Variants in EML1 observed in about 807,000 individuals in gnomAD.
The protein encoded by EML1 is EMAP like 1, also known as echinoderm microtubule-associated protein-like 1.
EML1 carries 27 observed loss-of-function variants against 110.4 expected under a neutral mutation model. The observed-to-expected ratio is 0.24, with a 90% CI of 0.18 to 0.34. EML1 has a LOEUF of 0.34. Among genes scored for constraint, EML1 ranks in the 10% least tolerant of loss-of-function variants. The pLI is 1.00. For missense variants in EML1, 741 were observed against 1,030.9 expected (o/e 0.72, Z 3.85); for synonymous variants, 344 against 385.8 (o/e 0.89, Z 1.27).
chr14:99,885,826 T>G (rs754058097), intron 4 of EML1: 1 of 450,592 alleles, frequency 2.2e-6, no homozygotes, highest in South Asian at 1.6e-5. Context: ...TCTTATTTAA[T>G]CGTGCCAATA....
At chr14:99,858,598 G>A (rs377146767) in intron 2 of EML1, among the ~76,000 whole-genome samples, 3 of 152,288 alleles carry the variant, frequency 2.0e-5, no homozygotes, top group African/African-American at 4.8e-5. Flanking sequence ...GTGATTGGCC[G>A]TATGCGTAGG....
At chr14:99,759,692 T>C (rs1183328302) in intron 1 of EML1, among the ~76,000 whole-genome samples, 2 of 152,220 alleles carry the variant, frequency 1.3e-5, no homozygotes, top group African/African-American at 4.8e-5. Flanking sequence ...GTTTGCGCTG[T>C]GTCCAGCCAA....
chr14:99,796,233 G>GAGAGA, intron 1 of EML1, among the ~76,000 whole-genome samples: 1 of 107,534 alleles, frequency 9.3e-6, no homozygotes, highest in African/African-American at 3.2e-5. Flanking sequence ...AGAGAGAGAA[G>GAGAGA]ATAATGTGTA....
chr14:99,803,702 G>GT (rs898742241), intron 1 of EML1, among the ~76,000 whole-genome samples: 2 of 152,212 alleles, frequency 1.3e-5, no homozygotes, highest in African/African-American at 2.4e-5. Context: ...CAATGAAGTG[G>GT]TTTTTGGCAA....
In EML1 at chr14:99,834,040, A is replaced by G. The variant is rs543232973; in HGVS notation, c.68-16813A>G. On this transcript the variant is annotated intron_variant, in intron 1 of 21. Coordinates refer to ENST00000262233, the MANE Select transcript of EML1 (RefSeq NM_004434.3). ...TATTGAAATGTGTGATATTTGTTGT[A>G]GGTGTTCTATAGACACCCTTCATCA... Among the ~76,000 whole-genome samples the G allele has an allele frequency of 2.9e-4, 44 of 152,312 alleles. 1 individual carries two copies. In the South Asian group the frequency reaches 5.4e-3, roughly 19 times the overall value.
chr14:99,833,309 A>G (rs1476578509), intron 1 of EML1, among the ~76,000 whole-genome samples: 1 of 152,192 alleles, frequency 6.6e-6, no homozygotes, highest in Non-Finnish European at 1.5e-5. Flanking sequence ...GTTAAAAATC[A>G]GTTGCCCATA....
intron 17 of EML1, among the ~76,000 whole-genome samples, chr14:99,925,822 C>T (rs1355131258): frequency 6.6e-6 from 1 of 152,186 alleles, no homozygotes. Flanking sequence ...ACCAGCCTCC[C>T]GTCAGCCAGG....
At chr14:99,814,809 T>C (rs553025242) in intron 1 of EML1, among the ~76,000 whole-genome samples, 2 of 152,210 alleles carry the variant, frequency 1.3e-5, no homozygotes, top group South Asian at 4.1e-4. Flanking sequence ...ACAGCTGTCA[T>C]GCACATGGGG....
intron 1 of EML1, among the ~76,000 whole-genome samples, chr14:99,759,646 G>A (rs1301633982): frequency 6.6e-6 from 1 of 152,254 alleles, no homozygotes; most frequent in African/African-American, 2.4e-5. Context: ...AGAGAGGAAA[G>A]GGCTTGTCCT....
intron 3 of EML1, among the ~76,000 whole-genome samples, chr14:99,878,042 T>C (rs1297228531): frequency 6.6e-6 from 1 of 151,944 alleles, no homozygotes; most frequent in East Asian, 1.9e-4. Flanking sequence ...TAATACTCTA[T>C]TTTCTTTGCA....
intron 8 of EML1, among the ~76,000 whole-genome samples, chr14:99,900,439 A>G (rs2059745041): frequency 6.6e-6 from 1 of 152,146 alleles, no homozygotes; most frequent in Non-Finnish European, 1.5e-5. Context: ...CACCTGCCTC[A>G]GCCTCCCAAA....
intron 1 of EML1, among the ~76,000 whole-genome samples, chr14:99,752,496 C>T (rs1284440223): frequency 6.6e-6 from 1 of 152,248 alleles, no homozygotes; most frequent in Admixed American, 6.5e-5. Context: ...TGAATTGCCC[C>T]TACACCCCAG....
rs1439977178 is a variant in EML1 at position 99,939,151 on chromosome 14, G to A, written c.2192-46G>A. 7.5e-6 allele frequency: 12 copies of A among 1,606,212 alleles called. No individual in the cohort carries two copies. Among genetic ancestry groups the A allele is most frequent in the Non-Finnish European group, 1.0e-5 (12 of 1,175,830 alleles). On this transcript the variant is annotated intron_variant, in intron 20 of 21. Transcript: ENST00000262233. The surrounding 1 kb of genome is among the most constrained non-coding windows in gnomAD (Gnocchi z 4.2). ...GGCGCTTCCTGCGCCATGTGGCCCT[G>A]TGGCCCCTGGTGTTTCCAGCGCCCT... is the stretch of plus-strand genomic sequence containing the variant.
intron 1 of EML1, among the ~76,000 whole-genome samples, chr14:99,821,741 G>C (rs2058266686): frequency 6.6e-6 from 1 of 152,220 alleles, no homozygotes; most frequent in Admixed American, 6.5e-5. Context: ...TGACTCTAGA[G>C]TGTCTGTGCC....
intron 1 of EML1, among the ~76,000 whole-genome samples, chr14:99,766,194 C>CTTTTTTTT (rs34008528): frequency 7.7e-6 from 1 of 129,874 alleles, no homozygotes; most frequent in Non-Finnish European, 1.6e-5. Flanking sequence ...TAAACTTTTA[C>CTTTTTTTT]TTTTTTTTTT....
At chr14:99,923,131 A>G (rs1001835887) in intron 17 of EML1, among the ~76,000 whole-genome samples, 20 of 152,048 alleles carry the variant, frequency 1.3e-4, no homozygotes, top group African/African-American at 2.9e-4. Context: ...TGTTAGAGAC[A>G]GGGTTTCGCC....
At chr14:99,817,740 C>T (rs912888417) in intron 1 of EML1, among the ~76,000 whole-genome samples, 12 of 152,120 alleles carry the variant, frequency 7.9e-5, no homozygotes, top group African/African-American at 2.9e-4. Flanking sequence ...TGGGGATACT[C>T]AGATGAACGG....
intron 2 of EML1, among the ~76,000 whole-genome samples, chr14:99,857,684 T>C (rs557081243): frequency 6.6e-6 from 1 of 152,334 alleles, no homozygotes; most frequent in South Asian, 2.1e-4. Flanking sequence ...ATATGTGGTC[T>C]TTTGCCACTG....
intron 9 of EML1, 94 bp downstream of exon 9, chr14:99,901,133 C>A: frequency 9.6e-7 from 1 of 1,046,450 alleles, no homozygotes; most frequent in Non-Finnish European, 1.5e-6. Flanking sequence ...CACTCGATAC[C>A]TGCCTGGGTG....
Sources: allele counts gnomAD v4.1 joint callset (sites outside exome capture counted in the v4.1 genomes callset), GRCh38; gene constraint gnomAD v4.1.1; non-coding constraint Gnocchi (gnomAD v3.1); transcripts MANE v1.5; gene names NCBI Gene and HGNC (gene_info 2026-07-23, HGNC 2026-07-21).